Variants in GDF2 observed in about 807,000 individuals in gnomAD.
GDF2 encodes growth differentiation factor 2, also known as growth/differentiation factor 2.
GDF2 carries 17 observed loss-of-function variants against 16.9 expected under a neutral mutation model. The ratio of observed to expected loss-of-function variants is 1.00; its 90% CI spans 0.69 to 1.51. The LOEUF (loss-of-function observed/expected upper bound fraction) is 1.51, where lower values mean the gene tolerates loss of function less well. Among genes scored for constraint, GDF2 ranks in the 40% most tolerant of loss-of-function variants. The pLI, the probability that GDF2 is intolerant of heterozygous loss-of-function variation, is 0.00. For synonymous variants in GDF2, 276 were observed against 237.6 expected, an observed-to-expected ratio of 1.16 and a Z score of -1.49; for missense variants, 523 against 556.3, an observed-to-expected ratio of 0.94 and a Z score of 0.60.
chr10:47,324,793 G>A (rs782173088), intron 1 of GDF2, 48 bp from the exon 2 acceptor site: 26 of 1,363,300 alleles, frequency 1.9e-5, no homozygotes, highest in South Asian at 9.6e-5. Context: ...TCAGTGTCAT[G>A]GAAACAGACC....
At position 47,325,843 on chromosome 10, in the gene GDF2, T is replaced by G; in HGVS notation, c.*59T>G. On this transcript the variant is annotated 3_prime_UTR_variant, in exon 2 of 2. Transcript: ENST00000581492. ...GGGGCTCCACATGAGAGGTCCTGCATGCCCCTGGGCACAACAAGGACTGAT... is the reference window on the plus strand; with the variant it reads ...GGGGCTCCACATGAGAGGTCCTGCAGGCCCCTGGGCACAACAAGGACTGAT... 1.6e-6 allele frequency: 2 copies of G among 1,236,558 alleles called. No homozygotes were observed. Among genetic ancestry groups the G allele is most frequent in the Non-Finnish European group, 2.2e-6 (2 of 900,246 alleles). The allele number at this position is 1,236,558 out of a possible 1,614,324, so 76.6% of individuals were successfully genotyped here.
At position 47,325,295 on chromosome 10, in the gene GDF2, G is replaced by C. The variant is rs782573337; in HGVS notation, c.801G>C (p.Glu267Asp). The C allele has an allele frequency of 6.2e-7, 1 of 1,614,192 alleles. No homozygotes were observed. The highest frequency in any genetic ancestry group is 8.5e-7 in the Non-Finnish European group (1 of 1,180,040). ...FSNDHSSGTKETRLELREMIS... is the reference protein window; with the variant it reads ...FSNDHSSGTKDTRLELREMIS... ...ATGACCACAGCAGTGGGACCAAGGA[G>C]ACCAGGCTGGAGCTGAGGGAGATGA... Residue 267 changes from glutamate to aspartate, a missense_variant, in exon 2 of 2, where the codon GAG (glutamate) becomes GAC (aspartate). Physicochemically the swap from Glu to Asp is conservative, Grantham distance 45. Transcript: ENST00000581492.
rs146466245 is a variant in GDF2, at chr10:47,322,776, C to A, written c.108C>A (p.Asn36Lys). 9 of 1,612,882 alleles carry A rather than the reference C, an allele frequency of 5.6e-6. No individual in the cohort carries two copies. Among genetic ancestry groups the A allele is most frequent in the South Asian group, 3.3e-5 (3 of 91,042 alleles). ...QSWGRGSAGGNAHSPLGVPGG... is the reference protein window; with the variant it reads ...QSWGRGSAGGKAHSPLGVPGG... ...GGGGACGAGGGTCTGCTGGGGGAAA[C>A]GCCCACAGCCCACTGGGGGTGCCTG... Residue 36 changes from asparagine to lysine, a missense_variant, in exon 1 of 2, where the codon AAC becomes AAA. Asn to Lys is a moderately conservative substitution (Grantham distance 94). Transcript: ENST00000581492.
chr10:47,322,553 C>T lies in GDF2; in HGVS notation c.-116C>T. On this transcript the variant is annotated 5_prime_UTR_variant, in exon 1 of 2. Coordinates refer to ENST00000581492, the MANE Select transcript of GDF2 (RefSeq NM_016204.4). ...AGAGTGGGTGCTGGCCAGGACGGTT[C>T]CTTCAGAGCAAACAGCAGGGAGATG... The T allele has an allele frequency of 1.3e-6, 1 of 761,654 alleles. No individual in the cohort carries two copies. Among genetic ancestry groups the T allele is most frequent in the Non-Finnish European group, 2.0e-6 (1 of 490,628 alleles). The allele number at this position is 761,654 out of a possible 1,614,324, so 47.2% of individuals were successfully genotyped here.
rs782498720 is a variant in GDF2, at chr10:47,322,929, G to T, written c.261G>T (p.Gln87His). ...SQDKTRVEPPQYMIDLYNRYT... is the reference protein window; with the variant it reads ...SQDKTRVEPPHYMIDLYNRYT... ...ACAAAACCAGGGTGGAGCCGCCGCAGTACATGATTGACCTGTACAACAGGT... is the reference window on the plus strand; with the variant it reads ...ACAAAACCAGGGTGGAGCCGCCGCATTACATGATTGACCTGTACAACAGGT... The change falls in exon 1 of 2, where the codon CAG (glutamine) becomes CAT (histidine). Residue 87 changes from glutamine to histidine, a missense_variant. Transcript: ENST00000581492. 39 of 1,614,044 alleles carry T rather than the reference G, an allele frequency of 2.4e-5. No homozygotes were observed. Among genetic ancestry groups the T allele is most frequent in the Non-Finnish European group, 3.0e-5 (35 of 1,180,022 alleles).
Position 47,326,201 on chromosome 10 carries a change from G to A in GDF2, c.*417G>A, listed in dbSNP as rs540303406. 6 of 167,174 alleles carry A rather than the reference G, an allele frequency of 3.6e-5. No individual in the cohort carries two copies. The highest frequency in any genetic ancestry group is 1.9e-4 in the South Asian group (1 of 5,248). 10.4% of individuals were successfully genotyped at this position (167,174 alleles called of 1,614,324 possible). ...GGAGTAGAGGGAAGGAGCAGGCCGC[G>A]TGTCACACCCATCATTGTATGTTAT... On this transcript the variant is annotated 3_prime_UTR_variant, in exon 2 of 2. Transcript: ENST00000581492.
rs1176548626 is a variant in GDF2 at position 47,325,818 on chromosome 10, G to C, written c.*34G>C. On this transcript the variant is annotated 3_prime_UTR_variant, in exon 2 of 2. Transcript: ENST00000581492. ...TGCGGGGCTGGGGAGGCAGGCCAAA[G>C]GGGCTCCACATGAGAGGTCCTGCAT... The C allele has an allele frequency of 7.0e-7, 1 of 1,435,434 alleles. No individual in the cohort carries two copies. Among genetic ancestry groups the C allele is most frequent in the East Asian group, 2.4e-5 (1 of 42,164 alleles). 88.9% of individuals were successfully genotyped at this position (1,435,434 alleles called of 1,614,324 possible). A position where few individuals can be genotyped will look rare whatever the true frequency, so the allele number is the denominator to read the frequency against.
Position 47,324,847 on chromosome 10 carries a change from T to A in GDF2, c.353T>A (p.Ile118Asn). ...IVRSFSMEDA[I>N]SITATEDFPF... Reference sequence around the variant, plus strand: ...ACGTGTGTTTGCATTTCAGATGCCATCTCCATAACTGCCACAGAGGACTTC... The same window carrying A: ...ACGTGTGTTTGCATTTCAGATGCCAACTCCATAACTGCCACAGAGGACTTC... The change falls in exon 2 of 2, where the codon ATC becomes AAC. Residue 118 changes from isoleucine (I) to asparagine (N), a missense_variant. By Grantham distance (149) the Ile-to-Asn change is moderately radical. Coordinates refer to ENST00000581492, the MANE Select transcript of GDF2 (RefSeq NM_016204.4). 1 of 1,609,834 alleles carries A rather than the reference T, an allele frequency of 6.2e-7. No individual in the cohort carries two copies. Among genetic ancestry groups the A allele is most frequent in the Non-Finnish European group, 8.5e-7 (1 of 1,177,560 alleles).
Position 47,327,308 on chromosome 10 carries a change from C to T in GDF2, c.*1524C>T, listed in dbSNP as rs73297088. On this transcript the variant is annotated 3_prime_UTR_variant, in exon 2 of 2. Coordinates refer to ENST00000581492, the MANE Select transcript of GDF2 (RefSeq NM_016204.4). The stretch of plus-strand genomic sequence containing the variant: ...GCTTAGAGAGGCCAGGGCCTCTCCC[C>T]GTGGTTGAAGCTCCCATTTATTTAA... 0.032 allele frequency among the ~76,000 whole-genome samples: 4,924 copies of T among 152,150 alleles called. 263 individuals carry two copies. Among genetic ancestry groups the T allele is most frequent in the African/African-American group, 0.11 (4,592 of 41,472 alleles).
Position 47,322,650 on chromosome 10 carries a change from G to T in GDF2, c.-19G>T. The T allele has an allele frequency of 1.4e-6, 2 of 1,477,766 alleles. No homozygotes were observed. Among genetic ancestry groups the T allele is most frequent in the Non-Finnish European group, 1.8e-6 (2 of 1,105,444 alleles). The allele number at this position is 1,477,766 out of a possible 1,614,324, so 91.5% of individuals were successfully genotyped here. ...CGGCCGCCTGCAGTCTCCTCTCTGGGTGATTGCGCGGGCCTAAGATGTGTC... is the reference window on the plus strand; with the variant it reads ...CGGCCGCCTGCAGTCTCCTCTCTGGTTGATTGCGCGGGCCTAAGATGTGTC... On this transcript the variant is annotated 5_prime_UTR_variant, in exon 1 of 2. Coordinates refer to ENST00000581492, the MANE Select transcript of GDF2 (RefSeq NM_016204.4).
At position 47,322,704 on chromosome 10, in the gene GDF2, G is replaced by C. The variant is rs782746266; in HGVS notation, c.36G>C (p.Leu12=). Reference sequence around the variant, plus strand: ...GGGCACTGTGGGTGGCCCTGCCCCTGCTGTCCCTGCTGGCTGGCTCCCTAC... The same window carrying C: ...GGGCACTGTGGGTGGCCCTGCCCCTCCTGTCCCTGCTGGCTGGCTCCCTAC... ...CPGALWVALP[L]LSLLAGSLQG... Residue 12 remains leucine (L), a synonymous_variant, in exon 1 of 2, where the codon CTG becomes CTC. Coordinates refer to ENST00000581492, the MANE Select transcript of GDF2 (RefSeq NM_016204.4). The C allele has an allele frequency of 6.3e-7, 1 of 1,588,060 alleles. No individual in the cohort carries two copies. Among genetic ancestry groups the C allele is most frequent in the Non-Finnish European group, 8.6e-7 (1 of 1,163,374 alleles).
In GDF2 at chr10:47,324,869, C is replaced by A. The variant is rs782078830; in HGVS notation, c.375C>A (p.Asp125Glu). 2 of 1,613,106 alleles carry A rather than the reference C, an allele frequency of 1.2e-6. No individual in the cohort carries two copies. Among genetic ancestry groups the A allele is most frequent in the South Asian group, 2.2e-5 (2 of 91,076 alleles). ...EDAISITATE[D>E]FPFQKHILLF... ...CCATCTCCATAACTGCCACAGAGGA[C>A]TTCCCCTTCCAGAAGCACATCTTGC... is the stretch of plus-strand genomic sequence containing the variant. The change falls in exon 2 of 2, where the codon GAC becomes GAA. Residue 125 changes from aspartate to glutamate, a missense_variant. Physicochemically the swap from Asp to Glu is conservative, Grantham distance 45. Coordinates refer to ENST00000581492, the MANE Select transcript of GDF2 (RefSeq NM_016204.4).
chr10:47,324,950 C>A lies in GDF2; in HGVS notation c.456C>A (p.Leu152=), dbSNP rs781900094. 6.2e-7 allele frequency: 1 copy of A among 1,614,086 alleles called. No homozygotes were observed. Among genetic ancestry groups the A allele is most frequent in the South Asian group, 1.1e-5 (1 of 91,080 alleles). Residue 152 remains leucine, a synonymous_variant, in exon 2 of 2, where the codon CTC becomes CTA. Coordinates refer to ENST00000581492, the MANE Select transcript of GDF2 (RefSeq NM_016204.4). ...HEQITRAELR[L]YVSCQNHVDP... ...AGATCACCAGAGCTGAGCTCCGACT[C>A]TATGTCTCCTGTCAAAATCACGTGG...
chr10:47,324,068 C>T (rs1399904596), intron 1 of GDF2, among the ~76,000 whole-genome samples: 1 of 152,250 alleles, frequency 6.6e-6, no homozygotes, highest in African/African-American at 2.4e-5. Context: ...GTCTGTGAAC[C>T]AGCCATTGTA....
chr10:47,327,125 C>A lies in GDF2; in HGVS notation c.*1341C>A, dbSNP rs1296527132. Among the ~76,000 whole-genome samples the A allele has an allele frequency of 3.3e-5, 5 of 152,202 alleles. No homozygotes were observed. The highest frequency in any genetic ancestry group is 1.2e-4 in the African/African-American group (5 of 41,444). On this transcript the variant is annotated 3_prime_UTR_variant, in exon 2 of 2. Coordinates refer to ENST00000581492, the MANE Select transcript of GDF2 (RefSeq NM_016204.4). Reference sequence around the variant, plus strand: ...TGGGACCAGACTCAGCCTCCCCGAACACAAGGGAAGATAAGGCTTCCATTT... The same window carrying A: ...TGGGACCAGACTCAGCCTCCCCGAAAACAAGGGAAGATAAGGCTTCCATTT...
chr10:47,325,288 C>T lies in GDF2; in HGVS notation c.794C>T (p.Thr265Ile). 6.2e-7 allele frequency: 1 copy of T among 1,614,166 alleles called. No homozygotes were observed. The highest frequency in any genetic ancestry group is 8.5e-7 in the Non-Finnish European group (1 of 1,180,034). Reference protein sequence around the residue: ...VVFSNDHSSGTKETRLELREM... With the variant: ...VVFSNDHSSGIKETRLELREM... Reference sequence around the variant, plus strand: ...TTCTCCAATGACCACAGCAGTGGGACCAAGGAGACCAGGCTGGAGCTGAGG... The same window carrying T: ...TTCTCCAATGACCACAGCAGTGGGATCAAGGAGACCAGGCTGGAGCTGAGG... The change falls in exon 2 of 2, where the codon ACC becomes ATC. Residue 265 changes from threonine to isoleucine, a missense_variant. Coordinates refer to ENST00000581492, the MANE Select transcript of GDF2 (RefSeq NM_016204.4).
At position 47,325,316 on chromosome 10, in the gene GDF2, G is replaced by A. The variant is rs1377990233; in HGVS notation, c.822G>A (p.Glu274=). 12 of 1,614,052 alleles carry A rather than the reference G, an allele frequency of 7.4e-6. No individual in the cohort carries two copies. Among genetic ancestry groups the A allele is most frequent in the Non-Finnish European group, 1.0e-5 (12 of 1,180,030 alleles). The change falls in exon 2 of 2, where the codon GAG becomes GAA. Residue 274 remains glutamate, a synonymous_variant. Transcript: ENST00000581492. ...GTKETRLELR[E]MISHEQESVL... is the part of the protein sequence containing the mutation. ...AGGAGACCAGGCTGGAGCTGAGGGA[G>A]ATGATCAGCCATGAACAAGAGAGCG... is the stretch of plus-strand genomic sequence containing the variant.
chr10:47,324,025 G>A (rs1353139778), intron 1 of GDF2, among the ~76,000 whole-genome samples: 2 of 152,236 alleles, frequency 1.3e-5, no homozygotes, highest in African/African-American at 4.8e-5. Flanking sequence ...TGGGTATATA[G>A]CAAGTGCTGA....
rs782083204 is a variant in GDF2, at chr10:47,325,478, A to G, written c.984A>G (p.Gln328=). The change falls in exon 2 of 2, where the codon CAA becomes CAG. Residue 328 remains glutamine (Q), a synonymous_variant. Coordinates refer to ENST00000581492, the MANE Select transcript of GDF2 (RefSeq NM_016204.4). ...KRSAGAGSHC[Q]KTSLRVNFED... ...GCGCCGGGGCTGGCAGCCACTGTCA[A>G]AAGACCTCCCTGCGGGTAAACTTCG... The G allele has an allele frequency of 4.3e-6, 7 of 1,613,906 alleles. No individual in the cohort carries two copies. Among genetic ancestry groups the G allele is most frequent in the Middle Eastern group, 1.6e-4 (1 of 6,084 alleles).
Sources: gnomAD v4.1 joint callset for allele counts (sites outside exome capture counted in the v4.1 genomes callset) on GRCh38, gnomAD v4.1.1 for gene constraint, MANE v1.5 for transcripts, NCBI Gene and HGNC (gene_info 2026-07-23, HGNC 2026-07-21) for gene names.